C12orf42: variants seen among roughly 807,000 people sequenced by gnomAD.
C12orf42 encodes the protein uncharacterized protein C12orf42.
Under a neutral mutation model 21.6 loss-of-function variants are expected in C12orf42, and 25 were observed. That is an observed-to-expected ratio of 1.16 (90% CI 0.84 to 1.62). The LOEUF (loss-of-function observed/expected upper bound fraction) is 1.62. Ranked by LOEUF, C12orf42 falls within the 40% of genes most tolerant of loss-of-function variation. The probability of loss-of-function intolerance (pLI) is 0.00; values close to 1 mark genes in which losing one functional copy is unlikely to be tolerated. For missense variants in C12orf42, 483 were observed against 459.3 expected, an observed-to-expected ratio of 1.05 and a Z score of -0.47; for synonymous variants, 174 against 175.0, an observed-to-expected ratio of 0.99 and a Z score of 0.05.
chr12:103,110,547 G>A, the C12orf42 span, among the ~76,000 whole-genome samples: 7 of 152,258 alleles, frequency 4.6e-5, no homozygotes, highest in Admixed American at 4.6e-4. Context: ...AAATCTAAGT[G>A]GTGGGTACAA....
At chr12:103,100,767 C>T in the C12orf42 span, among the ~76,000 whole-genome samples, 4 of 152,176 alleles carry the variant, frequency 2.6e-5, no homozygotes, top group Non-Finnish European at 5.9e-5. Flanking sequence ...CCCAGTCTGG[C>T]TCTGCCCTAT....
intron 10 of C12orf42, among the ~76,000 whole-genome samples, chr12:103,250,285 C>G (rs973276997): frequency 2.0e-5 from 3 of 152,036 alleles, no homozygotes; most frequent in Non-Finnish European, 4.4e-5. Context: ...TTTCCTGTCT[C>G]TCAGTTTTTC....
the C12orf42 span, among the ~76,000 whole-genome samples, chr12:103,224,807 T>C: frequency 6.6e-6 from 1 of 152,156 alleles, no homozygotes; most frequent in Non-Finnish European, 1.5e-5. Context: ...TAAGGTCAAG[T>C]TGTTTGCACA....
chr12:103,503,804 C>T, the C12orf42 span: 20 of 153,180 alleles, frequency 1.3e-4, no homozygotes, highest in South Asian at 2.0e-3. Flanking sequence ...GAGCATATTG[C>T]AGCTGTGGGA....
At chr12:103,481,556 G>A (rs570558994) in intron 1 of C12orf42, among the ~76,000 whole-genome samples, 4 of 151,638 alleles carry the variant, frequency 2.6e-5, no homozygotes, top group Admixed American at 1.3e-4. Flanking sequence ...CAATTTCCTG[G>A]GGGTTTACTA....
chr12:103,339,505 T>A lies in C12orf42; in HGVS notation c.259+29382A>T, dbSNP rs146229549. ...TGCTAAAGATAATGGCCTCTATCCA[T>A]CCATGTCCATAAAAAAGTGGACAAA... On this transcript the variant is annotated intron_variant, in intron 4 of 5. Transcript: ENST00000548883. Among the ~76,000 whole-genome samples the A allele has an allele frequency of 1.3e-4, 20 of 152,312 alleles. No homozygotes were observed. In the East Asian group the frequency reaches 3.9e-3, roughly 29 times the overall value.
At chr12:103,184,764 A>T in the C12orf42 span, among the ~76,000 whole-genome samples, 1 of 129,218 alleles carries the variant, frequency 7.7e-6, no homozygotes, top group Non-Finnish European at 1.6e-5. Context: ...GTAACTCAGC[A>T]TGTGACTATA....
chr12:103,230,892 T>C, the C12orf42 span, among the ~76,000 whole-genome samples: 1 of 152,190 alleles, frequency 6.6e-6, no homozygotes, highest in East Asian at 1.9e-4. Context: ...TTTTAGTTCA[T>C]AATTTTTGAC....
the C12orf42 span, chr12:103,167,993 T>A: frequency 6.8e-6 from 3 of 440,320 alleles, no homozygotes; most frequent in African/African-American, 6.9e-5. Context: ...AAAATTTCCA[T>A]GTTTTTAATT....
intron 4 of C12orf42, among the ~76,000 whole-genome samples, chr12:103,354,280 C>T (rs1479366817): frequency 6.6e-6 from 1 of 152,064 alleles, no homozygotes; most frequent in Non-Finnish European, 1.5e-5. Context: ...GAAGCACATG[C>T]CTTTCAGTTC....
the C12orf42 span, among the ~76,000 whole-genome samples, chr12:103,130,306 G>A: frequency 1.3e-5 from 2 of 151,022 alleles, no homozygotes; most frequent in African/African-American, 4.9e-5. Context: ...GAGATACTAA[G>A]CCAAGTTGGT....
At chr12:103,069,208 C>A in the C12orf42 span, among the ~76,000 whole-genome samples, 1 of 149,902 alleles carries the variant, frequency 6.7e-6, no homozygotes, top group Non-Finnish European at 1.5e-5. Context: ...TTTAGAATTC[C>A]CATTTGATTT....
the C12orf42 span, among the ~76,000 whole-genome samples, chr12:103,119,207 G>A: frequency 6.6e-6 from 1 of 152,040 alleles, no homozygotes; most frequent in African/African-American, 2.4e-5. Context: ...GTGTAATCTT[G>A]GATGCATTAT....
chr12:103,243,077 G>T (rs909812679), intron 10 of C12orf42, among the ~76,000 whole-genome samples: 5 of 152,098 alleles, frequency 3.3e-5, no homozygotes, highest in Non-Finnish European at 2.9e-5. Flanking sequence ...AGGCTAGAGT[G>T]CAGTGGCACA....
At chr12:103,088,851 C>T in the C12orf42 span, among the ~76,000 whole-genome samples, 3 of 152,248 alleles carry the variant, frequency 2.0e-5, no homozygotes, top group South Asian at 6.2e-4. Flanking sequence ...CGCCAGTAAT[C>T]CCAGCACTTT....
At chr12:103,177,650 GATA>G in the C12orf42 span, among the ~76,000 whole-genome samples, 1 of 152,170 alleles carries the variant, frequency 6.6e-6, no homozygotes, top group African/African-American at 2.4e-5. Flanking sequence ...CAAGAAATCA[GATA>G]ATAAGACTCC....
At chr12:103,373,277 C>T (rs1056185643) in intron 3 of C12orf42, among the ~76,000 whole-genome samples, 5 of 152,198 alleles carry the variant, frequency 3.3e-5, no homozygotes, top group Non-Finnish European at 1.5e-5. Flanking sequence ...ACCAGCCCTC[C>T]CCTTTGTTGG....
chr12:103,167,460 T>C, the C12orf42 span, among the ~76,000 whole-genome samples: 3 of 152,146 alleles, frequency 2.0e-5, no homozygotes, highest in Admixed American at 6.5e-5. Flanking sequence ...TGAACACTAG[T>C]CATTTCTCTA....
chr12:103,129,197 C>T, the C12orf42 span, among the ~76,000 whole-genome samples: 4,982 of 152,168 alleles, frequency 0.033, 154 homozygotes, highest in African/African-American at 0.085. Flanking sequence ...GGTAGAAACA[C>T]GGAGAGAGAG....
Sources: gnomAD v4.1 joint callset for allele counts (sites outside exome capture counted in the v4.1 genomes callset) on GRCh38, gnomAD v4.1.1 for gene constraint, MANE v1.5 for transcripts, NCBI Gene and HGNC (gene_info 2026-07-23, HGNC 2026-07-21) for gene names.